The following CEP95 variants were observed in gnomAD, a reference collection of about 807,000 sequenced individuals.
CEP95 encodes centrosomal protein of 95 kDa.
Under a neutral mutation model 111.2 loss-of-function variants are expected in CEP95, and 98 were observed. That is an observed-to-expected ratio of 0.88 (90% CI 0.75 to 1.04). The LOEUF (loss-of-function observed/expected upper bound fraction) is 1.04, where lower values mean the gene tolerates loss of function less well. CEP95 is among the 50% of genes least tolerant of loss of function. The pLI, the probability that CEP95 is intolerant of heterozygous loss-of-function variation, is 0.00. For synonymous variants in CEP95, 323 were observed against 327.1 expected (o/e 0.99, Z 0.14); for missense variants, 1,027 against 977.2 (o/e 1.05, Z -0.68).
Position 64,521,435 on chromosome 17 carries a change from A to G in CEP95, c.623A>G (p.Lys208Arg), listed in dbSNP as rs782278813. The G allele has an allele frequency of 1.8e-5, 29 of 1,612,426 alleles. No individual in the cohort carries two copies. Among genetic ancestry groups the G allele is most frequent in the Non-Finnish European group, 2.4e-5 (28 of 1,178,872 alleles). ...TGTCCTAATGAAATGCTGTCTAAAA[A>G]AGCCTTAGCCTCACCAAGTTCTAAA... ...AQCPNEMLSK[K>R]ALASPSSKSH... Residue 208 changes from lysine to arginine, a missense_variant, in exon 7 of 20, where the codon AAA (lysine) becomes AGA (arginine). Coordinates refer to ENST00000556440, the MANE Select transcript of CEP95 (RefSeq NM_138363.3).
chr17:64,527,764 A>G (rs1199746028), intron 11 of CEP95, among the ~76,000 whole-genome samples: 1 of 151,696 alleles, frequency 6.6e-6, no homozygotes, highest in African/African-American at 2.4e-5. Context: ...GAGTTCTTAC[A>G]GTGTGTCACT....
chr17:64,537,379 A>G, intron 19 of CEP95: 4 of 1,395,914 alleles, frequency 2.9e-6, no homozygotes, highest in Non-Finnish European at 3.7e-6. Flanking sequence ...AATGTATTAT[A>G]CCTGTAAAGG....
In CEP95 at chr17:64,531,942, A is replaced by C; in HGVS notation, c.1592A>C (p.Gln531Pro). 5 of 1,610,432 alleles carry C rather than the reference A, an allele frequency of 3.1e-6. No homozygotes were observed. The highest frequency in any genetic ancestry group is 4.2e-6 in the Non-Finnish European group (5 of 1,178,728). The change falls in exon 14 of 20, where the codon CAG (glutamine) becomes CCG (proline). Residue 531 changes from glutamine to proline, a missense_variant. Gln to Pro is a moderately conservative substitution (Grantham distance 76). Transcript: ENST00000556440. ...AVRKGTPECS[Q>P]PWKIYSRKTT... ...CGTAAAGGAACTCCAGAATGTAGTC[A>C]GCCCTGGAAGATTTACTCTAGAAAA...
chr17:64,519,473 A>G (rs1967141870), intron 6 of CEP95, 37 bp downstream of exon 6: 1 of 1,413,332 alleles, frequency 7.1e-7, no homozygotes, highest in Non-Finnish European at 1.0e-6. Context: ...TTATTATTCA[A>G]CATACAACTA....
At chr17:64,535,564 C>T (rs1968592664) in intron 17 of CEP95, 2 of 152,110 alleles carry the variant, frequency 1.3e-5, no homozygotes, top group South Asian at 2.1e-4. Context: ...TGAACACCTT[C>T]GTCATTAGGG....
At chr17:64,518,356 G>C (rs1198549086) in intron 5 of CEP95, among the ~76,000 whole-genome samples, 1 of 152,064 alleles carries the variant, frequency 6.6e-6, no homozygotes, top group Non-Finnish European at 1.5e-5. Context: ...TTCAGAGTAA[G>C]ACAGTGTAAA....
chr17:64,511,508 A>C (rs1032198263), intron 3 of CEP95, among the ~76,000 whole-genome samples: 19 of 152,228 alleles, frequency 1.2e-4, no homozygotes, highest in Non-Finnish European at 2.5e-4. Flanking sequence ...CGGCTCACCA[A>C]CGGACAGAGT....
intron 1 of CEP95, chr17:64,507,577 C>T (rs1555673375): frequency 2.0e-6 from 2 of 1,025,638 alleles, no homozygotes; most frequent in South Asian, 3.4e-5. Context: ...GTGCTTTTTT[C>T]TCTTCAGTGC....
Position 64,519,435 on chromosome 17 carries a change from T to C in CEP95, c.588T>C (p.Asn196=). The C allele has an allele frequency of 1.3e-6, 2 of 1,596,012 alleles. No homozygotes were observed. The highest frequency in any genetic ancestry group is 8.6e-7 in the Non-Finnish European group (1 of 1,163,650). Reference sequence around the variant, plus strand: ...CACACACCTTTTCTCTAAGAAGTAATGGTGAGTAGTTAAACCTGAAGTATC... The same window carrying C: ...CACACACCTTTTCTCTAAGAAGTAACGGTGAGTAGTTAAACCTGAAGTATC... ...DTAHTFSLRS[N]GAQCPNEMLS... is the part of the protein sequence containing the mutation. Residue 196 remains asparagine (N), a splice_region_variant and synonymous_variant, in exon 6 of 20, where the codon AAT becomes AAC. Coordinates refer to ENST00000556440, the MANE Select transcript of CEP95 (RefSeq NM_138363.3).
intron 12 of CEP95, among the ~76,000 whole-genome samples, chr17:64,530,406 A>G (rs1019873403): frequency 3.9e-5 from 6 of 152,024 alleles, no homozygotes; most frequent in Non-Finnish European, 4.4e-5. Flanking sequence ...AAAACCATAC[A>G]TTTGTGATAT....
intron 7 of CEP95, 54 bp from the exon 8 acceptor site, chr17:64,522,648 A>G (rs1455307256): frequency 1.0e-5 from 13 of 1,264,118 alleles, no homozygotes; most frequent in African/African-American, 3.0e-5. Flanking sequence ...TGTATATAAA[A>G]TGGTTTATTT....
Position 64,537,909 on chromosome 17 carries a change from C to A in CEP95, c.*130C>A, listed in dbSNP as rs1469734636. On this transcript the variant is annotated 3_prime_UTR_variant, in exon 20 of 20. Coordinates refer to ENST00000556440, the MANE Select transcript of CEP95 (RefSeq NM_138363.3). The stretch of plus-strand genomic sequence containing the variant: ...CTTTACCTGTATTTTCATTCCAGTA[C>A]TTTTTATGATTTTTTAAATAAAAAT... 2 of 471,406 alleles carry A rather than the reference C, an allele frequency of 4.2e-6. No homozygotes were observed. The highest frequency in any genetic ancestry group is 6.9e-6 in the Non-Finnish European group (2 of 288,346). The allele number at this position is 471,406 out of a possible 1,614,324, so 29.2% of individuals were successfully genotyped here. A position where few individuals can be genotyped will look rare whatever the true frequency, so the allele number is the denominator to read the frequency against.
In CEP95 at chr17:64,513,752, C is replaced by T. The variant is rs994269258; in HGVS notation, c.257-496C>T. Among the ~76,000 whole-genome samples, 6 of 152,102 alleles carry T rather than the reference C, an allele frequency of 3.9e-5. No individual in the cohort carries two copies. In the South Asian group the frequency reaches 6.2e-4, roughly 16 times the overall value. ...TCAGGAATTTCTGATGAAAGTATCC[C>T]AACAAGTTTATTGTTTTTTTTTGTT... On this transcript the variant is annotated intron_variant, in intron 3 of 19. Coordinates refer to ENST00000556440, the MANE Select transcript of CEP95 (RefSeq NM_138363.3).
intron 14 of CEP95, 147 bp downstream of exon 14, chr17:64,532,169 T>A (rs1598243982): frequency 7.4e-7 from 1 of 1,355,826 alleles, no homozygotes; most frequent in East Asian, 2.8e-5. Flanking sequence ...ATGTGGCTGG[T>A]TTTCCGTAGA....
At chr17:64,508,305 A>G (rs1018714162) in intron 1 of CEP95, 16 of 993,194 alleles carry the variant, frequency 1.6e-5, no homozygotes, top group South Asian at 4.7e-5. Context: ...TAAGGCTTAT[A>G]TAAGTAACTT....
At position 64,537,085 on chromosome 17, in the gene CEP95, TA is replaced by T. The variant is rs1555681732; in HGVS notation, c.2265del (p.Ala756ProfsTer13). The T allele has an allele frequency of 6.2e-7, 1 of 1,613,174 alleles. No homozygotes were observed. Among genetic ancestry groups the T allele is most frequent in the Non-Finnish European group, 8.5e-7 (1 of 1,179,534 alleles). On this transcript the variant is annotated frameshift_variant, in exon 19 of 20. Transcript: ENST00000556440. LOFTEE classifies it high-confidence loss of function. ...CCATATCACAGGAACATCAAGAACTTAAAGCCAGAGAGAAATCTCAGGCCCA... is the reference window on the plus strand; with the variant it reads ...CCATATCACAGGAACATCAAGAACTTAAGCCAGAGAGAAATCTCAGGCCCA... ...EAISQEHQEL[K>X]AREKSQAQTL...
Position 64,530,781 on chromosome 17 carries a change from G to A in CEP95, c.1447-145G>A, listed in dbSNP as rs1232461326. 1.6e-5 allele frequency: 8 copies of A among 512,968 alleles called. No individual in the cohort carries two copies. In the African/African-American group the frequency reaches 1.6e-4, roughly 10 times the overall value. 31.8% of individuals were successfully genotyped at this position (512,968 alleles called of 1,614,324 possible). On this transcript the variant is annotated intron_variant, in intron 12 of 19. Transcript: ENST00000556440. ...TCTCATCCTCACCGCACGCGGCTAAGAGCTTGGATGCTCGGTTGAGGCACC... is the reference window on the plus strand; with the variant it reads ...TCTCATCCTCACCGCACGCGGCTAAAAGCTTGGATGCTCGGTTGAGGCACC...
chr17:64,534,954 T>A, intron 17 of CEP95: 1 of 528,972 alleles, frequency 1.9e-6, no homozygotes, highest in East Asian at 3.5e-5. Flanking sequence ...CATCTTAATG[T>A]GAAGTCTTAC....
intron 3 of CEP95, among the ~76,000 whole-genome samples, chr17:64,512,109 C>G (rs1482928645): frequency 1.3e-5 from 2 of 152,128 alleles, no homozygotes; most frequent in Non-Finnish European, 2.9e-5. Flanking sequence ...GCACAATGTT[C>G]CGTGTTGGGA....
Sources: gnomAD v4.1 joint callset for allele counts (sites outside exome capture counted in the v4.1 genomes callset) on GRCh38, gnomAD v4.1.1 for gene constraint, MANE v1.5 for transcripts, NCBI Gene and HGNC (gene_info 2026-07-23, HGNC 2026-07-21) for gene names.